SLC13A1: variants seen among roughly 807,000 people sequenced by gnomAD.
SLC13A1 encodes the protein Na(+)/sulfate cotransporter.
In SLC13A1, 65 loss-of-function variants were observed where a neutral mutation model predicts 70.0. That is an observed-to-expected ratio of 0.93 (90% CI 0.76 to 1.14). The LOEUF is 1.14. Ranked by LOEUF, SLC13A1 falls within the 50% of genes most tolerant of loss-of-function variation. SLC13A1 has a pLI of 0.00. For missense variants in SLC13A1, 726 were observed against 717.8 expected, an observed-to-expected ratio of 1.01 and a Z score of -0.13; for synonymous variants, 275 against 250.5, an observed-to-expected ratio of 1.10 and a Z score of -0.92.
intron 14 of SLC13A1, among the ~76,000 whole-genome samples, chr7:123,116,747 G>C (rs1023854348): frequency 6.6e-6 from 1 of 152,188 alleles, no homozygotes; most frequent in Non-Finnish European, 1.5e-5. Flanking sequence ...GTGAAAGAAA[G>C]GGAGCTGGGA....
chr7:123,116,448 C>T (rs1360456345), intron 14 of SLC13A1, among the ~76,000 whole-genome samples: 3 of 152,128 alleles, frequency 2.0e-5, no homozygotes, highest in African/African-American at 4.8e-5. Context: ...ATATCATTTG[C>T]CTTTTTACAG....
rs562570616 is a variant in SLC13A1 at position 123,130,140 on chromosome 7, C to T, written c.933-659G>A. On this transcript the variant is annotated intron_variant, in intron 8 of 14. Coordinates refer to ENST00000194130, the MANE Select transcript of SLC13A1 (RefSeq NM_022444.4). ...TGCAGGGACTGATCATGGTCAGAGA[C>T]TAAACTAAGCCTAGTCTTAGAAGTA... 1.8e-3 allele frequency among the ~76,000 whole-genome samples: 272 copies of T among 152,196 alleles called. 1 individual carries two copies. Among genetic ancestry groups the T allele is most frequent in the African/African-American group, 6.0e-3 (249 of 41,532 alleles).
rs530698021 is a variant in SLC13A1 at position 123,172,644 on chromosome 7, T to C, written c.229-740A>G. 2.0e-5 allele frequency among the ~76,000 whole-genome samples: 3 copies of C among 152,216 alleles called. No homozygotes were observed. The South Asian group carries it at 6.2e-4, about 32-fold the overall frequency. The stretch of plus-strand genomic sequence containing the variant: ...TTAAAAAATAATAATAATAAAATTG[T>C]AAAACAAATACCCTCAAATGAGACT... On this transcript the variant is annotated intron_variant, in intron 2 of 14. Transcript: ENST00000194130.
In SLC13A1 at chr7:123,119,052, A is replaced by T; in HGVS notation, c.1512+29T>A. 3 of 1,588,780 alleles carry T rather than the reference A, an allele frequency of 1.9e-6. No individual in the cohort carries two copies. The South Asian group carries it at 3.4e-5, about 18-fold the overall frequency. ...AAGCAGAGTACTGCTCTTAATGAAGAGTAAAAAGGGGATAAATGAGATACT... is the reference window on the plus strand; with the variant it reads ...AAGCAGAGTACTGCTCTTAATGAAGTGTAAAAAGGGGATAAATGAGATACT... On this transcript the variant is annotated intron_variant, in intron 13 of 14. Transcript: ENST00000194130.
In SLC13A1 at chr7:123,199,398, A is replaced by C. The variant is rs554377233; in HGVS notation, c.99+450T>G. On this transcript the variant is annotated intron_variant, in intron 1 of 14. Coordinates refer to ENST00000194130, the MANE Select transcript of SLC13A1 (RefSeq NM_022444.4). ...CTAAATTTCCAGGAAGTTCTGTGACAAAGCCACAGAGCTGAGAAGTAAATT... is the reference window on the plus strand; with the variant it reads ...CTAAATTTCCAGGAAGTTCTGTGACCAAGCCACAGAGCTGAGAAGTAAATT... Among the ~76,000 whole-genome samples the C allele has an allele frequency of 2.0e-5, 3 of 152,190 alleles. No homozygotes were observed. The South Asian group carries it at 6.2e-4, about 32-fold the overall frequency.
At chr7:123,128,567 T>C (rs1475398589) in intron 10 of SLC13A1, among the ~76,000 whole-genome samples, 1 of 152,026 alleles carries the variant, frequency 6.6e-6, no homozygotes, top group Non-Finnish European at 1.5e-5. Flanking sequence ...ATGGGAATAA[T>C]TTTGTAGGGA....
At chr7:123,123,412 C>T (rs1419776688) in intron 11 of SLC13A1, among the ~76,000 whole-genome samples, 177 bp from the exon 12 acceptor site, 1 of 151,928 alleles carries the variant, frequency 6.6e-6, no homozygotes, top group African/African-American at 2.4e-5. Flanking sequence ...GAACATTCTA[C>T]TATAAAAAAG....
intron 8 of SLC13A1, among the ~76,000 whole-genome samples, chr7:123,133,497 A>G (rs1394498734): frequency 6.6e-6 from 1 of 152,060 alleles, no homozygotes; most frequent in Non-Finnish European, 1.5e-5. Context: ...TAGGACTCAA[A>G]GGACACTTAG....
chr7:123,147,082 C>T, intron 7 of SLC13A1, 77 bp downstream of exon 7: 1 of 1,432,164 alleles, frequency 7.0e-7, no homozygotes, highest in Non-Finnish European at 9.5e-7. Context: ...CTTGAATTCT[C>T]TGAATCAGGT....
At chr7:123,122,585 A>C (rs1229489808) in intron 12 of SLC13A1, among the ~76,000 whole-genome samples, 1 of 152,118 alleles carries the variant, frequency 6.6e-6, no homozygotes, top group South Asian at 2.1e-4. Flanking sequence ...TTTCTTACTA[A>C]GATTAGACAT....
At chr7:123,116,305 G>A (rs1237260773) in intron 14 of SLC13A1, among the ~76,000 whole-genome samples, 1 of 152,116 alleles carries the variant, frequency 6.6e-6, no homozygotes, top group Admixed American at 6.6e-5. Flanking sequence ...TACTGCCCTT[G>A]ATTTGTTTTG....
At chr7:123,136,035 T>A (rs1793938530) in intron 7 of SLC13A1, among the ~76,000 whole-genome samples, 4 of 152,216 alleles carry the variant, frequency 2.6e-5, no homozygotes, top group Admixed American at 2.6e-4. Flanking sequence ...CCCATTAACA[T>A]TAGACTTGGA....
intron 7 of SLC13A1, among the ~76,000 whole-genome samples, chr7:123,137,275 C>T (rs138286216): frequency 3.3e-5 from 5 of 152,186 alleles, no homozygotes; most frequent in Non-Finnish European, 5.9e-5. Context: ...ATGCCTTGTA[C>T]GATCTCCTCT....
chr7:123,142,719 G>A (rs1794201024), intron 7 of SLC13A1, among the ~76,000 whole-genome samples: 1 of 142,870 alleles, frequency 7.0e-6, no homozygotes, highest in African/African-American at 2.7e-5. Flanking sequence ...CCAAATTCAA[G>A]CGATTCTCCT....
At chr7:123,175,239 A>G (rs1795409459) in intron 2 of SLC13A1, among the ~76,000 whole-genome samples, 1 of 152,124 alleles carries the variant, frequency 6.6e-6, no homozygotes, top group African/African-American at 2.4e-5. Context: ...CTTGAATGAT[A>G]CCTCTCCAAA....
intron 8 of SLC13A1, among the ~76,000 whole-genome samples, chr7:123,129,938 A>C (rs543924870): frequency 2.6e-5 from 4 of 152,192 alleles, no homozygotes; most frequent in Non-Finnish European, 5.9e-5. Context: ...GGGCAAGGAC[A>C]GTGAGGTGGT....
In SLC13A1 at chr7:123,114,259, T is replaced by A. The variant is rs1793109873; in HGVS notation, c.*1259A>T. On this transcript the variant is annotated 3_prime_UTR_variant, in exon 15 of 15. Coordinates refer to ENST00000194130, the MANE Select transcript of SLC13A1 (RefSeq NM_022444.4). ...ATTTTGGAATGCCAATAGCACTTACTCTTTAAAAATTTATTTATTGATATA... is the reference window on the plus strand; with the variant it reads ...ATTTTGGAATGCCAATAGCACTTACACTTTAAAAATTTATTTATTGATATA... 6.6e-6 allele frequency: 1 copy of A among 152,108 alleles called. No individual in the cohort carries two copies. The highest frequency in any genetic ancestry group is 6.5e-5 in the Admixed American group (1 of 15,278). The allele number at this position is 152,108 out of a possible 1,614,324, so 9.4% of individuals were successfully genotyped here. A position where few individuals can be genotyped will look rare whatever the true frequency, so the allele number is the denominator to read the frequency against.
intron 8 of SLC13A1, among the ~76,000 whole-genome samples, chr7:123,134,087 A>G (rs889227805): frequency 6.6e-6 from 1 of 151,820 alleles, no homozygotes; most frequent in Non-Finnish European, 1.5e-5. Flanking sequence ...GAGTTTTGCC[A>G]TATTGTCCAG....
In SLC13A1 at chr7:123,169,176, TC is replaced by T; in HGVS notation, c.524del (p.Gly175AspfsTer7). The stretch of plus-strand genomic sequence containing the variant: ...CAATTTCTAGTCCGTGGTTGGTTGA[TC>T]CGTTGAAGTAAGTCATCTGAGTGGC... ...VEATQMTYFNGSTNHGLEIDE... is the reference protein window; with the variant it reads ...VEATQMTYFNXSTNHGLEIDE... On this transcript the variant is annotated frameshift_variant, in exon 4 of 15. Coordinates refer to ENST00000194130, the MANE Select transcript of SLC13A1 (RefSeq NM_022444.4). LOFTEE classifies it high-confidence loss of function. 1 of 1,614,078 alleles carries T rather than the reference TC, an allele frequency of 6.2e-7. No homozygotes were observed. The highest frequency in any genetic ancestry group is 8.5e-7 in the Non-Finnish European group (1 of 1,179,970).
Sources: gnomAD v4.1 joint callset for allele counts (sites outside exome capture counted in the v4.1 genomes callset) on GRCh38, gnomAD v4.1.1 for gene constraint, MANE v1.5 for transcripts, NCBI Gene and HGNC (gene_info 2026-07-23, HGNC 2026-07-21) for gene names.